ARMH3: variants seen among roughly 807,000 people sequenced by gnomAD.
ARMH3 encodes the protein armadillo-like helical domain-containing protein 3.
In ARMH3, 60 loss-of-function variants were observed where a neutral mutation model predicts 99.1. The ratio of observed to expected loss-of-function variants is 0.61; its 90% CI spans 0.49 to 0.75. The LOEUF is 0.75. Ranked by LOEUF, ARMH3 falls within the 30% of genes least tolerant of loss-of-function variation. ARMH3 has a pLI of 0.00. For missense variants in ARMH3, 679 were observed against 843.1 expected (o/e 0.81, Z 2.41); for synonymous variants, 285 against 292.8 (o/e 0.97, Z 0.27).
chr10:102,023,743 C>T lies in ARMH3; in HGVS notation c.514G>A (p.Asp172Asn), dbSNP rs764581979. 9 of 1,613,998 alleles carry T rather than the reference C, an allele frequency of 5.6e-6. 1 individual carries two copies. In the South Asian group the frequency reaches 9.9e-5, roughly 18 times the overall value. ...KLLLCLVTVT[D>N]NISQNTILEY... Reference sequence around the variant, plus strand: ...AGAATAGTGTTCTGGCTGATGTTATCTGTCACCTGAATGTAATAAAAGGCT... The same window carrying T: ...AGAATAGTGTTCTGGCTGATGTTATTTGTCACCTGAATGTAATAAAAGGCT... Residue 172 changes from aspartate to asparagine, a missense_variant, in exon 7 of 26, where the codon GAT becomes AAT. Asp to Asn is a conservative substitution (Grantham distance 23). Transcript: ENST00000370033.
At chr10:101,968,706 T>TCTAAC (rs1486006969) in intron 20 of ARMH3, among the ~76,000 whole-genome samples, 1 of 152,192 alleles carries the variant, frequency 6.6e-6, no homozygotes, top group African/African-American at 2.4e-5. Context: ...GATTCTTATC[T>TCTAAC]TTTGCTTCTG....
chr10:101,940,296 C>A (rs1844179089), intron 22 of ARMH3, among the ~76,000 whole-genome samples: 1 of 152,162 alleles, frequency 6.6e-6, no homozygotes, highest in South Asian at 2.1e-4. Context: ...CCATATCTAT[C>A]ATTTCCCTAA....
intron 18 of ARMH3, among the ~76,000 whole-genome samples, chr10:101,991,174 T>C (rs1157606893): frequency 3.3e-5 from 5 of 152,172 alleles, no homozygotes; most frequent in Non-Finnish European, 7.4e-5. Flanking sequence ...AATATCCAAG[T>C]GAAATGGGAT....
At chr10:101,937,253 C>T (rs896717828) in intron 23 of ARMH3, among the ~76,000 whole-genome samples, 1 of 152,196 alleles carries the variant, frequency 6.6e-6, no homozygotes, top group African/African-American at 2.4e-5. Context: ...CATGGTGGCT[C>T]ATGCCTGCAG....
intron 15 of ARMH3, among the ~76,000 whole-genome samples, chr10:101,998,843 C>G (rs1004153756): frequency 6.6e-6 from 1 of 152,196 alleles, no homozygotes; most frequent in African/African-American, 2.4e-5. Context: ...AAACCACCTA[C>G]AAGGCATTAA....
intron 24 of ARMH3, among the ~76,000 whole-genome samples, chr10:101,865,172 C>T (rs1417766711): frequency 6.7e-6 from 1 of 149,784 alleles, no homozygotes. Context: ...GCTGAGATTG[C>T]GCCACTGCAC....
chr10:102,033,205 T>C, intron 3 of ARMH3, 33 bp from the exon 4 acceptor site: 1 of 1,613,892 alleles, frequency 6.2e-7, no homozygotes, highest in Non-Finnish European at 8.5e-7. Flanking sequence ...GCAGAGTGCA[T>C]TTTTAGCTTA....
At chr10:101,893,357 T>A (rs761007486) in intron 23 of ARMH3, among the ~76,000 whole-genome samples, 17 of 152,236 alleles carry the variant, frequency 1.1e-4, no homozygotes, top group Non-Finnish European at 2.1e-4. Context: ...TTTGTTTTTT[T>A]AAATCAGGCT....
chr10:101,993,869 C>T (rs1427769432), intron 16 of ARMH3, among the ~76,000 whole-genome samples: 1 of 152,184 alleles, frequency 6.6e-6, no homozygotes. Context: ...AAGGCAGATG[C>T]TGAGAGGAAT....
At chr10:102,006,210 CA>C (rs1182586086) in intron 14 of ARMH3, among the ~76,000 whole-genome samples, 1 of 152,146 alleles carries the variant, frequency 6.6e-6, no homozygotes, top group Non-Finnish European at 1.5e-5. Flanking sequence ...ACATTTTTCA[CA>C]AAATATCTCA....
At chr10:101,885,943 G>A (rs1185793413) in intron 24 of ARMH3, among the ~76,000 whole-genome samples, 1 of 152,020 alleles carries the variant, frequency 6.6e-6, no homozygotes, top group Non-Finnish European at 1.5e-5. Context: ...TGTAATCCCA[G>A]CTACTAGGGA....
At chr10:102,023,598 A>T in intron 7 of ARMH3, 35 bp from the exon 8 acceptor site, 9 of 1,610,766 alleles carry the variant, frequency 5.6e-6, no homozygotes, top group Non-Finnish European at 7.6e-6. Context: ...GAGACTGCTA[A>T]CTCCTGGTTC....
At chr10:102,041,098 T>TATAC in intron 1 of ARMH3, among the ~76,000 whole-genome samples, 1 of 146,008 alleles carries the variant, frequency 6.8e-6, no homozygotes, top group Middle Eastern at 3.6e-3. Context: ...ATAATATATA[T>TATAC]ATATATATAT....
At chr10:101,877,081 C>T (rs115871658) in intron 24 of ARMH3, among the ~76,000 whole-genome samples, 1,542 of 152,100 alleles carry the variant, frequency 0.01, 23 homozygotes, top group African/African-American at 0.035. Flanking sequence ...TGGTGGCGCA[C>T]ACCTGTAGTC....
intron 23 of ARMH3, among the ~76,000 whole-genome samples, chr10:101,894,739 T>C (rs2067777059): frequency 6.6e-6 from 1 of 152,098 alleles, no homozygotes; most frequent in African/African-American, 2.4e-5. Context: ...TCTCTCACTT[T>C]TACTGGTCAA....
At chr10:101,898,691 C>T (rs979604852) in intron 23 of ARMH3, among the ~76,000 whole-genome samples, 1 of 151,992 alleles carries the variant, frequency 6.6e-6, no homozygotes, top group African/African-American at 2.4e-5. Flanking sequence ...CACACGCGCA[C>T]ACACACACAC....
intron 24 of ARMH3, among the ~76,000 whole-genome samples, chr10:101,850,473 G>A (rs2066572972): frequency 1.3e-5 from 2 of 150,326 alleles, no homozygotes; most frequent in South Asian, 2.1e-4. Context: ...CGCCCAGGCT[G>A]GAGTGCAGTG....
At chr10:101,987,050 T>C (rs531612643) in intron 19 of ARMH3, among the ~76,000 whole-genome samples, 4 of 152,328 alleles carry the variant, frequency 2.6e-5, no homozygotes, top group South Asian at 4.1e-4. Flanking sequence ...ACCAGGTTCA[T>C]TGGCTAGAAA....
chr10:102,021,777 A>G (rs1451069760), intron 8 of ARMH3, among the ~76,000 whole-genome samples: 3 of 151,234 alleles, frequency 2.0e-5, no homozygotes, highest in African/African-American at 7.3e-5. Context: ...CGATCTCCCA[A>G]CCTCGTGATC....
Sources: gnomAD v4.1 joint callset for allele counts (sites outside exome capture counted in the v4.1 genomes callset) on GRCh38, gnomAD v4.1.1 for gene constraint, MANE v1.5 for transcripts, NCBI Gene and HGNC (gene_info 2026-07-23, HGNC 2026-07-21) for gene names.